The following GMDS variants were observed in gnomAD, a reference collection of about 807,000 sequenced individuals.
GMDS encodes the protein GDP-mannose 4,6-dehydratase.
GMDS carries 20 observed loss-of-function variants against 49.9 expected under a neutral mutation model. The observed-to-expected ratio is 0.40, with a 90% CI of 0.28 to 0.58. The LOEUF is 0.58. Ranked by LOEUF, GMDS falls within the 20% of genes least tolerant of loss-of-function variation. The pLI is 0.42. For missense variants in GMDS, 362 were observed against 481.4 expected (o/e 0.75, Z 2.32); for synonymous variants, 177 against 178.6 (o/e 0.99, Z 0.07).
At chr6:1,989,050 A>G (rs780417843) in intron 4 of GMDS, among the ~76,000 whole-genome samples, 2 of 152,210 alleles carry the variant, frequency 1.3e-5, no homozygotes, top group Non-Finnish European at 2.9e-5. Flanking sequence ...TTTTTCTTAC[A>G]GTAATGATCC....
At chr6:1,658,581 G>C (rs1261829232) in intron 9 of GMDS, among the ~76,000 whole-genome samples, 1 of 152,212 alleles carries the variant, frequency 6.6e-6, no homozygotes, top group East Asian at 1.9e-4. Context: ...TTCTGAATGG[G>C]TAATGATATT....
intron 1 of GMDS, among the ~76,000 whole-genome samples, chr6:2,226,988 G>A (rs1780840726): frequency 6.6e-6 from 1 of 152,178 alleles, no homozygotes; most frequent in Non-Finnish European, 1.5e-5. Flanking sequence ...CTGAAAAGCA[G>A]TGAAGTCAAT....
At chr6:1,762,389 G>A (rs541655050) in intron 7 of GMDS, among the ~76,000 whole-genome samples, 11 of 152,390 alleles carry the variant, frequency 7.2e-5, no homozygotes, top group Admixed American at 2.0e-4. Context: ...TACCCGGGTT[G>A]TGGTCAGGAG....
chr6:2,233,825 GAAAAAC>G (rs1260019133), intron 1 of GMDS, among the ~76,000 whole-genome samples: 3 of 152,046 alleles, frequency 2.0e-5, no homozygotes, highest in African/African-American at 4.8e-5. Context: ...ACTCCATCTC[GAAAAAC>G]AAAAACAAAA....
intron 9 of GMDS, among the ~76,000 whole-genome samples, chr6:1,692,606 T>C (rs1181547841): frequency 1.3e-5 from 2 of 152,264 alleles, no homozygotes; most frequent in African/African-American, 4.8e-5. Context: ...TCTGTTTTTC[T>C]GTTTCATATT....
intron 2 of GMDS, among the ~76,000 whole-genome samples, chr6:2,119,535 G>A (rs1775025649): frequency 6.6e-6 from 1 of 152,168 alleles, no homozygotes; most frequent in Non-Finnish European, 1.5e-5. Flanking sequence ...CTGCTTCTGA[G>A]ACAGGTGAAA....
intron 9 of GMDS, among the ~76,000 whole-genome samples, chr6:1,683,747 C>T (rs1051985502): frequency 2.2e-4 from 34 of 152,202 alleles, no homozygotes; most frequent in Non-Finnish European, 7.3e-5. Flanking sequence ...CCCTTGGACA[C>T]GTTCAACTTT....
At chr6:1,967,472 T>C (rs3851507) in intron 4 of GMDS, among the ~76,000 whole-genome samples, 64,255 of 152,084 alleles carry the variant, frequency 0.42, 13,824 homozygotes, top group Non-Finnish European at 0.47. Flanking sequence ...GTTTGATAAT[T>C]TAATATTACT....
At chr6:1,990,131 C>A (rs1380033386) in intron 4 of GMDS, among the ~76,000 whole-genome samples, 2 of 152,212 alleles carry the variant, frequency 1.3e-5, no homozygotes, top group East Asian at 3.9e-4. Context: ...CCCGTCTCTA[C>A]TAAAAATATA....
chr6:2,133,246 T>A (rs1775835919), intron 1 of GMDS, among the ~76,000 whole-genome samples: 1 of 152,146 alleles, frequency 6.6e-6, no homozygotes. Context: ...ATTATGAAAT[T>A]TTAGTATTTA....
Position 2,019,615 on chromosome 6 carries a change from A to G in GMDS, c.346-58649T>C, listed in dbSNP as rs1390578776. Among the ~76,000 whole-genome samples, 3 of 152,050 alleles carry G rather than the reference A, an allele frequency of 2.0e-5. No homozygotes were observed. The East Asian group carries it at 5.8e-4, about 29-fold the overall frequency. ...CAGGCACCCACCATCATGCCCGGCT[A>G]ATTTTTGTATTTTTAGTAGAGACGG... is the stretch of plus-strand genomic sequence containing the variant. On this transcript the variant is annotated intron_variant, in intron 4 of 10. Transcript: ENST00000380815.
intron 4 of GMDS, among the ~76,000 whole-genome samples, chr6:1,974,208 G>A (rs1206249191): frequency 6.6e-6 from 1 of 150,898 alleles, no homozygotes; most frequent in African/African-American, 2.4e-5. Flanking sequence ...AAATAAGTAA[G>A]CCCTCATGAG....
intron 4 of GMDS, among the ~76,000 whole-genome samples, chr6:2,065,615 G>A (rs1678855398): frequency 6.6e-6 from 1 of 152,158 alleles, no homozygotes; most frequent in African/African-American, 2.4e-5. Flanking sequence ...CGAGAACTAC[G>A]TGAAGAATGC....
At chr6:2,055,066 A>T (rs914962700) in intron 4 of GMDS, among the ~76,000 whole-genome samples, 9 of 152,154 alleles carry the variant, frequency 5.9e-5, no homozygotes, top group Admixed American at 3.3e-4. Context: ...TAAAATCGAC[A>T]TTGTTAAGCA....
At chr6:1,624,601 C>T (rs775862522) in intron 9 of GMDS, 61 bp from the exon 10 acceptor site, 9 of 1,217,278 alleles carry the variant, frequency 7.4e-6, no homozygotes, top group African/African-American at 4.5e-5. Context: ...GCAGCAGGTC[C>T]CGAGCCCCGG....
intron 7 of GMDS, among the ~76,000 whole-genome samples, chr6:1,860,070 C>T (rs997306632): frequency 1.1e-4 from 16 of 152,042 alleles, no homozygotes; most frequent in Admixed American, 5.9e-4. Context: ...CTGAAAATAA[C>T]AGTAAAACAA....
intron 7 of GMDS, among the ~76,000 whole-genome samples, chr6:1,857,141 G>A (rs1434514486): frequency 6.6e-6 from 1 of 152,178 alleles, no homozygotes; most frequent in African/African-American, 2.4e-5. Flanking sequence ...AGACAATGTT[G>A]ACTCCACTAC....
chr6:2,042,822 T>C (rs1357027367), intron 4 of GMDS, among the ~76,000 whole-genome samples: 1 of 152,210 alleles, frequency 6.6e-6, no homozygotes, highest in African/African-American at 2.4e-5. Context: ...TGCTGATGAC[T>C]ATAATTACTT....
intron 7 of GMDS, among the ~76,000 whole-genome samples, chr6:1,883,174 C>T (rs1759440635): frequency 6.6e-6 from 1 of 152,176 alleles, no homozygotes; most frequent in Non-Finnish European, 1.5e-5. Flanking sequence ...AGAAGAATCA[C>T]GAGGTCAAGA....
Sources: allele counts gnomAD v4.1 joint callset (sites outside exome capture counted in the v4.1 genomes callset), GRCh38; gene constraint gnomAD v4.1.1; transcripts MANE v1.5; gene names NCBI Gene and HGNC (gene_info 2026-07-23, HGNC 2026-07-21).